GPATCH2L: variants seen among roughly 807,000 people sequenced by gnomAD.
GPATCH2L encodes G patch domain-containing protein 2-like.
In GPATCH2L, 31 loss-of-function variants were observed where a neutral mutation model predicts 57.4. That is an observed-to-expected ratio of 0.54 (90% CI 0.41 to 0.73). The LOEUF is 0.73. Ranked by LOEUF, GPATCH2L falls within the 30% of genes least tolerant of loss-of-function variation. GPATCH2L has a pLI of 0.00. For synonymous variants in GPATCH2L, 199 were observed against 210.7 expected (o/e 0.94, Z 0.48); for missense variants, 481 against 599.9 (o/e 0.80, Z 2.07).
chr14:76,177,167 T>A (rs945653513), intron 6 of GPATCH2L, among the ~76,000 whole-genome samples: 5 of 152,138 alleles, frequency 3.3e-5, no homozygotes, highest in African/African-American at 1.2e-4. Context: ...CACTTTGGCC[T>A]CTTGAGTAGT....
chr14:76,198,516 A>G (rs2040223889), intron 9 of GPATCH2L, among the ~76,000 whole-genome samples: 1 of 152,218 alleles, frequency 6.6e-6, no homozygotes, highest in Admixed American at 6.5e-5. Flanking sequence ...AAGTAAACAC[A>G]TGCCTTTTGA....
rs1415027752 is a variant in GPATCH2L at position 76,207,285 on chromosome 14, C to T, written c.*5434C>T. 1 of 151,908 alleles carries T rather than the reference C, an allele frequency of 6.6e-6. No homozygotes were observed. Among genetic ancestry groups the T allele is most frequent in the African/African-American group, 2.4e-5 (1 of 41,358 alleles). The allele number at this position is 151,908 out of a possible 1,614,324, so 9.4% of individuals were successfully genotyped here. On this transcript the variant is annotated 3_prime_UTR_variant, in exon 10 of 10. Transcript: ENST00000261530. Reference sequence around the variant, plus strand: ...GAGCCATGATCTGGCCACTGCACTCCAGCCTGGGTGACAGAGCAAGACCCT... The same window carrying T: ...GAGCCATGATCTGGCCACTGCACTCTAGCCTGGGTGACAGAGCAAGACCCT...
chr14:76,215,703 G>A, downstream of GPATCH2L, among the ~76,000 whole-genome samples: 1 of 146,608 alleles, frequency 6.8e-6, no homozygotes, highest in East Asian at 2.0e-4. Flanking sequence ...ACTCATAGGT[G>A]GGAATTGAAC....
At chr14:76,218,546 A>G (rs1425513963), downstream of GPATCH2L, among the ~76,000 whole-genome samples, 1 of 152,108 alleles carries the variant, frequency 6.6e-6, no homozygotes, top group Non-Finnish European at 1.5e-5. Flanking sequence ...AAGATACACC[A>G]CGTTCTCTCA....
At chr14:76,186,119 G>A (rs1047452740) in intron 8 of GPATCH2L, among the ~76,000 whole-genome samples, 3 of 151,976 alleles carry the variant, frequency 2.0e-5, no homozygotes, top group Non-Finnish European at 4.4e-5. Context: ...CCCATCCTTA[G>A]GATAATTGCA....
At chr14:76,215,479 C>A (rs373060284), downstream of GPATCH2L, among the ~76,000 whole-genome samples, 1 of 151,446 alleles carries the variant, frequency 6.6e-6, no homozygotes, top group African/African-American at 2.4e-5. Context: ...ATGTTTATTG[C>A]GGCATTATTC....
At chr14:76,222,146 T>G (rs908937141) in intron 1 of GPATCH2L, among the ~76,000 whole-genome samples, 2 of 152,104 alleles carry the variant, frequency 1.3e-5, no homozygotes, top group African/African-American at 2.4e-5. Flanking sequence ...ATTTTAAAAA[T>G]AGAAAAAAGG....
Position 76,207,458 on chromosome 14 carries a change from G to A in GPATCH2L, c.*5607G>A, listed in dbSNP as rs1314784231. ...TACCATATTTGTTCATTAGATCTTA[G>A]TTTCAAGGGAAAGTATCATGTATTT... On this transcript the variant is annotated 3_prime_UTR_variant, in exon 10 of 10. Coordinates refer to ENST00000261530, the MANE Select transcript of GPATCH2L (RefSeq NM_017926.4). 1 of 151,978 alleles carries A rather than the reference G, an allele frequency of 6.6e-6. No individual in the cohort carries two copies. The highest frequency in any genetic ancestry group is 1.5e-5 in the Non-Finnish European group (1 of 67,996). 9.4% of individuals were successfully genotyped at this position (151,978 alleles called of 1,614,324 possible).
Position 76,188,855 on chromosome 14 carries a change from T to C in GPATCH2L, c.1194-7023T>C, listed in dbSNP as rs977205514. Among the ~76,000 whole-genome samples, 104 of 152,194 alleles carry C rather than the reference T, an allele frequency of 6.8e-4. 2 individuals are homozygous for C. The highest frequency in any genetic ancestry group is 1.5e-5 in the Non-Finnish European group (1 of 68,030). ...AGTTTGAGATTTCAGATTTAAGTCT[T>C]TAATCTACTTGATTTGATTTTTGTA... On this transcript the variant is annotated intron_variant, in intron 8 of 9. Coordinates refer to ENST00000261530, the MANE Select transcript of GPATCH2L (RefSeq NM_017926.4).
intron 2 of GPATCH2L, chr14:76,234,827 T>C (rs991990470): frequency 6.6e-6 from 1 of 152,170 alleles, no homozygotes; most frequent in Non-Finnish European, 1.5e-5. Context: ...ATAAAGAGTG[T>C]GTGTTATTTA....
chr14:76,171,753 A>G (rs1331591873), intron 3 of GPATCH2L, 90 bp from the exon 4 acceptor site: 5 of 805,880 alleles, frequency 6.2e-6, no homozygotes, highest in Admixed American at 2.7e-5. Flanking sequence ...AGGATGATCA[A>G]AACTATGGCA....
intron 8 of GPATCH2L, among the ~76,000 whole-genome samples, chr14:76,189,963 A>G (rs895628068): frequency 2.6e-5 from 4 of 152,140 alleles, no homozygotes; most frequent in African/African-American, 9.7e-5. Flanking sequence ...TTGAAGGTGA[A>G]CTATTCCTTA....
rs897877662 is a variant in GPATCH2L, at chr14:76,203,092, T to C, written c.*1241T>C. On this transcript the variant is annotated 3_prime_UTR_variant, in exon 10 of 10. Coordinates refer to ENST00000261530, the MANE Select transcript of GPATCH2L (RefSeq NM_017926.4). ...GACTCCCACTCATGCATCTGCTTAT[T>C]TTCTGTCTTAAATAGGTGCTGAATG... 1 of 152,222 alleles carries C rather than the reference T, an allele frequency of 6.6e-6. No individual in the cohort carries two copies. Among genetic ancestry groups the C allele is most frequent in the Non-Finnish European group, 1.5e-5 (1 of 68,058 alleles). 9.4% of individuals were successfully genotyped at this position (152,222 alleles called of 1,614,324 possible).
rs931584050 is a variant in GPATCH2L, at chr14:76,212,296, A to G, written c.*10445A>G. ...TGTCAGCAAACACTAATTTCATGTT[A>G]TAAGATTCAGAAAGGTTGAGCAAAA... On this transcript the variant is annotated 3_prime_UTR_variant, in exon 10 of 10. Transcript: ENST00000261530. 2.0e-5 allele frequency: 3 copies of G among 152,140 alleles called. No individual in the cohort carries two copies. Among genetic ancestry groups the G allele is most frequent in the Non-Finnish European group, 2.9e-5 (2 of 68,006 alleles). 9.4% of individuals were successfully genotyped at this position (152,140 alleles called of 1,614,324 possible).
chr14:76,167,509 A>G (rs1001216796), intron 3 of GPATCH2L, among the ~76,000 whole-genome samples: 1 of 152,214 alleles, frequency 6.6e-6, no homozygotes, highest in African/African-American at 2.4e-5. Flanking sequence ...CTACATGTCT[A>G]GGTTGATCCA....
chr14:76,175,209 T>G (rs915751272), intron 5 of GPATCH2L: 23 of 152,228 alleles, frequency 1.5e-4, no homozygotes, highest in African/African-American at 4.6e-4. Context: ...CAAGTCACTT[T>G]ATCTTGAAGG....
intron 8 of GPATCH2L, among the ~76,000 whole-genome samples, chr14:76,192,698 A>G (rs1264938667): frequency 1.3e-5 from 2 of 152,178 alleles, no homozygotes; most frequent in East Asian, 1.9e-4. Context: ...GTAGGTGCTC[A>G]GTAAAAATTT....
At chr14:76,173,493 A>G (rs563319475) in intron 4 of GPATCH2L, 53 bp from the exon 5 acceptor site, 2 of 1,144,434 alleles carry the variant, frequency 1.7e-6, no homozygotes, top group Non-Finnish European at 2.6e-6. Context: ...GAAACATAGG[A>G]TTGCATATGG....
At chr14:76,173,798 C>T in intron 5 of GPATCH2L, 173 bp downstream of exon 5, 1 of 505,034 alleles carries the variant, frequency 2.0e-6, no homozygotes, top group Non-Finnish European at 3.6e-6. Flanking sequence ...AATGGATATA[C>T]AAATAAAAGA....
Sources: allele counts gnomAD v4.1 joint callset (sites outside exome capture counted in the v4.1 genomes callset), GRCh38; gene constraint gnomAD v4.1.1; transcripts MANE v1.5; gene names NCBI Gene and HGNC (gene_info 2026-07-23, HGNC 2026-07-21).